Variants in TBX15 observed in about 807,000 individuals in gnomAD.
TBX15 encodes the protein T-box transcription factor 15.
A neutral mutation model predicts 53.9 loss-of-function variants in TBX15; 18 were observed. The ratio of observed to expected loss-of-function variants is 0.33; its 90% CI spans 0.23 to 0.49. The LOEUF is 0.49. Ranked by LOEUF, TBX15 falls within the 20% of genes least tolerant of loss-of-function variation. TBX15 has a pLI of 0.98. For synonymous variants in TBX15, 295 were observed against 278.0 expected (o/e 1.06, Z -0.61); for missense variants, 692 against 749.5 (o/e 0.92, Z 0.90).
chr1:118,898,965 G>T, intron 7 of TBX15, 63 bp downstream of exon 7: 1 of 1,528,498 alleles, frequency 6.5e-7, no homozygotes, highest in South Asian at 1.1e-5. Flanking sequence ...TGCTATATTC[G>T]GTTGAGCTCC....
At chr1:118,922,344 A>G (rs1328525143) in intron 5 of TBX15, among the ~76,000 whole-genome samples, 4 of 152,168 alleles carry the variant, frequency 2.6e-5, no homozygotes, top group Non-Finnish European at 4.4e-5. Context: ...TTTTTCCTTA[A>G]TAAGCAATCT....
intron 1 of TBX15, among the ~76,000 whole-genome samples, chr1:118,962,023 C>A (rs778324328): frequency 2.0e-5 from 3 of 152,206 alleles, no homozygotes; most frequent in Non-Finnish European, 4.4e-5. Context: ...AGAAGAACTA[C>A]AAGAAGCCAG....
chr1:118,979,906 C>T (rs1009486329), intron 1 of TBX15, among the ~76,000 whole-genome samples: 1 of 152,166 alleles, frequency 6.6e-6, no homozygotes, highest in Admixed American at 6.5e-5. Context: ...GCTGGCACAC[C>T]GAGGCCTCGC....
At chr1:118,895,919 G>T (rs1466438619) in intron 7 of TBX15, among the ~76,000 whole-genome samples, 1 of 152,190 alleles carries the variant, frequency 6.6e-6, no homozygotes, top group African/African-American at 2.4e-5. Context: ...TCAAATAAGA[G>T]ATCTGCGTTG....
intron 1 of TBX15, among the ~76,000 whole-genome samples, chr1:118,952,794 A>G (rs2101659439): frequency 6.6e-6 from 1 of 152,334 alleles, no homozygotes; most frequent in South Asian, 2.1e-4. Context: ...CCAAGAAACT[A>G]CACTAGGAGC....
At chr1:118,968,595 C>A (rs557138800) in intron 1 of TBX15, among the ~76,000 whole-genome samples, 12 of 152,238 alleles carry the variant, frequency 7.9e-5, no homozygotes, top group Middle Eastern at 3.4e-3. Flanking sequence ...ATATATATTG[C>A]GAATATATGC....
At chr1:118,918,385 A>G (rs1018721929) in intron 5 of TBX15, among the ~76,000 whole-genome samples, 4 of 152,176 alleles carry the variant, frequency 2.6e-5, no homozygotes, top group South Asian at 2.1e-4. Flanking sequence ...TGTGAGAGCC[A>G]GGGATCAAGA....
chr1:118,951,560 C>T (rs1381959844), intron 1 of TBX15, among the ~76,000 whole-genome samples: 1 of 152,212 alleles, frequency 6.6e-6, no homozygotes, highest in Non-Finnish European at 1.5e-5. Context: ...CAAATGGTTC[C>T]TTAGCTCTTC....
chr1:118,980,705 C>G (rs1460143627), intron 1 of TBX15, among the ~76,000 whole-genome samples: 1 of 152,222 alleles, frequency 6.6e-6, no homozygotes, highest in Non-Finnish European at 1.5e-5. Context: ...AAGTAGCATT[C>G]TGCCCATCCA....
At chr1:118,960,043 CA>C (rs1327051137) in intron 1 of TBX15, among the ~76,000 whole-genome samples, 1 of 133,626 alleles carries the variant, frequency 7.5e-6, no homozygotes. Flanking sequence ...ATCACTGGAG[CA>C]AAGCAAAACT....
intron 1 of TBX15, among the ~76,000 whole-genome samples, chr1:118,956,816 A>G (rs552392461): frequency 1.3e-5 from 2 of 152,008 alleles, no homozygotes; most frequent in South Asian, 4.2e-4. Context: ...GCCGGAAATT[A>G]GCCAGGCATG....
rs766655791 is a variant in TBX15 at position 118,884,714 on chromosome 1, T to C, written c.*18A>G. ...GGGGCCTTGATTGCCAAATGCTCCG[T>C]GGTGTTTGGACTGGCCTTTAAACCA... On this transcript the variant is annotated 3_prime_UTR_variant, in exon 8 of 8. Transcript: ENST00000369429. 2.5e-6 allele frequency: 4 copies of C among 1,612,112 alleles called. No individual in the cohort carries two copies. The highest frequency in any genetic ancestry group is 1.1e-5 in the South Asian group (1 of 90,976).
chr1:118,938,179 A>C (rs1571190367), intron 1 of TBX15, among the ~76,000 whole-genome samples: 1 of 152,302 alleles, frequency 6.6e-6, no homozygotes, highest in East Asian at 1.9e-4. Context: ...GATTAAACTA[A>C]AATTATGATG....
rs959609758 is a variant in TBX15 at position 118,987,894 on chromosome 1, G to A, written c.-99C>T. 6.9e-7 allele frequency: 1 copy of A among 1,449,300 alleles called. No individual in the cohort carries two copies. Among genetic ancestry groups the A allele is most frequent in the African/African-American group, 1.4e-5 (1 of 70,592 alleles). 89.8% of individuals were successfully genotyped at this position (1,449,300 alleles called of 1,614,324 possible). On this transcript the variant is annotated 5_prime_UTR_variant, in exon 1 of 8. Coordinates refer to ENST00000369429, the MANE Select transcript of TBX15 (RefSeq NM_001330677.2). ...GCCCACCGGGCCCGGCCCGGGAGAG[G>A]CGGAGGCGCGTCGGACGAGGCTGAG...
At chr1:118,901,922 G>A (rs17022721) in intron 6 of TBX15, among the ~76,000 whole-genome samples, 1 of 152,158 alleles carries the variant, frequency 6.6e-6, no homozygotes, top group South Asian at 2.1e-4. Context: ...ATCCATCCAG[G>A]GGTCTGTTAC....
intron 1 of TBX15, among the ~76,000 whole-genome samples, chr1:118,960,151 G>T (rs10923710): frequency 0.19 from 29,294 of 152,022 alleles, 3,354 homozygotes; most frequent in East Asian, 0.5. Flanking sequence ...GAGTGAGGCG[G>T]GATGGGGGAC....
chr1:118,891,098 C>A, intron 7 of TBX15: 2 of 270,786 alleles, frequency 7.4e-6, no homozygotes, highest in Non-Finnish European at 1.4e-5. Context: ...GAGATGAGTA[C>A]CATCCTCATA....
intron 1 of TBX15, among the ~76,000 whole-genome samples, chr1:118,948,634 T>C (rs1438062372): frequency 3.3e-5 from 5 of 152,212 alleles, no homozygotes; most frequent in African/African-American, 1.2e-4. Context: ...GTCACTGTTG[T>C]GGCAGGACTC....
intron 1 of TBX15, among the ~76,000 whole-genome samples, chr1:118,970,158 G>C (rs146145124): frequency 0.023 from 3,468 of 152,330 alleles, 132 homozygotes; most frequent in African/African-American, 0.079. Flanking sequence ...ACAGCCTGTG[G>C]AACTGTGAGT....
Sources: allele counts gnomAD v4.1 joint callset (sites outside exome capture counted in the v4.1 genomes callset), GRCh38; gene constraint gnomAD v4.1.1; transcripts MANE v1.5; gene names NCBI Gene and HGNC (gene_info 2026-07-23, HGNC 2026-07-21).